The following KLF7 variants were observed in gnomAD, a reference collection of about 807,000 sequenced individuals.
KLF7 encodes Krueppel-like factor 7.
Under a neutral mutation model 27.3 loss-of-function variants are expected in KLF7, and 2 were observed. The ratio of observed to expected loss-of-function variants is 0.07; its 90% confidence interval spans 0.03 to 0.23. KLF7 has a LOEUF of 0.23. KLF7 is among the 10% of genes least tolerant of loss of function. The probability of loss-of-function intolerance (pLI) is 1.00; values close to 1 mark genes in which losing one functional copy is unlikely to be tolerated. For synonymous variants in KLF7, 165 were observed against 162.4 expected, an observed-to-expected ratio of 1.02 and a Z score of -0.12; for missense variants, 221 against 394.1, an observed-to-expected ratio of 0.56 and a Z score of 3.72.
rs547775129 is a variant in KLF7 at position 207,109,471 on chromosome 2, A to C, written c.733+14303T>G. Among the ~76,000 whole-genome samples the C allele has an allele frequency of 2.6e-4, 40 of 152,336 alleles. No homozygotes were observed. In the South Asian group the frequency reaches 8.3e-3, roughly 32 times the overall value. ...ATGGTTCAGCAGTGAAATCTTTGAAAAATGATTCTTTCAGCCTCAGTTCCC... is the reference window on the plus strand; with the variant it reads ...ATGGTTCAGCAGTGAAATCTTTGAACAATGATTCTTTCAGCCTCAGTTCCC... On this transcript the variant is annotated intron_variant, in intron 2 of 3. Coordinates refer to ENST00000309446, the MANE Select transcript of KLF7 (RefSeq NM_003709.4).
rs141868865 is a variant in KLF7 at position 207,148,768 on chromosome 2, C to T, written c.102+16699G>A. Among the ~76,000 whole-genome samples the T allele has an allele frequency of 8.6e-4, 131 of 152,254 alleles. 1 individual carries two copies. The highest frequency in any genetic ancestry group is 3.1e-3 in the African/African-American group (130 of 41,542). ...ATACTTTCTATGTCACCACAGTTCCCACCACTCTCTAGTGCCTTATACTGT... is the reference window on the plus strand; with the variant it reads ...ATACTTTCTATGTCACCACAGTTCCTACCACTCTCTAGTGCCTTATACTGT... On this transcript the variant is annotated intron_variant, in intron 1 of 3. Transcript: ENST00000309446.
intron 2 of KLF7, among the ~76,000 whole-genome samples, chr2:207,109,390 C>G (rs1211577546): frequency 6.6e-6 from 1 of 151,660 alleles, no homozygotes; most frequent in Non-Finnish European, 1.5e-5. Flanking sequence ...TCAACTTAGG[C>G]CCCCAAAAGA....
chr2:207,161,293 T>C (rs1017305692), intron 1 of KLF7, among the ~76,000 whole-genome samples: 5 of 152,328 alleles, frequency 3.3e-5, no homozygotes, highest in African/African-American at 1.2e-4. Context: ...ATCTACCAAG[T>C]TGCTGTTTCA....
intron 2 of KLF7, among the ~76,000 whole-genome samples, chr2:207,111,030 C>A (rs969726393): frequency 6.6e-6 from 1 of 152,082 alleles, no homozygotes; most frequent in African/African-American, 2.4e-5. Flanking sequence ...TTCCCAGATG[C>A]CAGTAGCATA....
At chr2:207,126,169 C>T (rs190177197) in intron 1 of KLF7, among the ~76,000 whole-genome samples, 74 of 152,252 alleles carry the variant, frequency 4.9e-4, no homozygotes, top group African/African-American at 1.8e-3. Context: ...TTTCTGAACT[C>T]CACTTCTCAA....
At position 207,123,618 on chromosome 2, in the gene KLF7, G is replaced by C. The variant is rs2077397570; in HGVS notation, c.733+156C>G. Among the ~76,000 whole-genome samples the C allele has an allele frequency of 3.3e-5, 5 of 152,276 alleles. No homozygotes were observed. In the South Asian group the frequency reaches 1.0e-3, roughly 32 times the overall value. On this transcript the variant is annotated intron_variant, in intron 2 of 3. Transcript: ENST00000309446. The stretch of plus-strand genomic sequence containing the variant: ...ACATCTTGAGATCTTAAGGTAACAA[G>C]TGAGTCATTCTTTGTCCCTACCTGG...
upstream of KLF7, chr2:207,166,817 G>A (rs2078726446): frequency 4.9e-6 from 5 of 1,013,320 alleles, no homozygotes; most frequent in Non-Finnish European, 5.9e-6. Context: ...GGCTGCCAGG[G>A]TGCAGAGAAG....
Position 207,110,549 on chromosome 2 carries a change from C to T in KLF7, c.733+13225G>A, listed in dbSNP as rs112372701. Among the ~76,000 whole-genome samples, 3 of 152,190 alleles carry T rather than the reference C, an allele frequency of 2.0e-5. No homozygotes were observed. In the South Asian group the frequency reaches 6.2e-4, roughly 32 times the overall value. On this transcript the variant is annotated intron_variant, in intron 2 of 3. Transcript: ENST00000309446. ...TCCCTCCCACGTACCAGCCTGGCAG[C>T]TGATGTGATCAGACCTCTGCCTCAG... is the stretch of plus-strand genomic sequence containing the variant.
intron 1 of KLF7, among the ~76,000 whole-genome samples, chr2:207,129,220 T>C (rs2077558309): frequency 6.6e-6 from 1 of 152,184 alleles, no homozygotes; most frequent in African/African-American, 2.4e-5. Context: ...ATTTTCTCTG[T>C]TCAAATGATA....
intron 1 of KLF7, among the ~76,000 whole-genome samples, chr2:207,130,762 G>C (rs186049583): frequency 5.3e-5 from 8 of 152,252 alleles, no homozygotes; most frequent in African/African-American, 1.4e-4. Context: ...AACCATTGGT[G>C]CAATATTTTT....
At chr2:207,103,648 C>CA (rs1444669451) in intron 2 of KLF7, among the ~76,000 whole-genome samples, 1 of 152,212 alleles carries the variant, frequency 6.6e-6, no homozygotes, top group Non-Finnish European at 1.5e-5. Flanking sequence ...CACACACACA[C>CA]AACTCACCAT....
intron 1 of KLF7, among the ~76,000 whole-genome samples, chr2:207,126,919 TAG>T (rs144250939): frequency 0.028 from 4,319 of 152,240 alleles, 193 homozygotes; most frequent in African/African-American, 0.098. Flanking sequence ...TGCCTGTGAA[TAG>T]AGTTTTTGTA....
Position 207,080,829 on chromosome 2 carries a change from G to A in KLF7, c.*384C>T, listed in dbSNP as rs1241131979. ...AGTGAAATAAGCCCCTCGGACTGCC[G>A]TCCACCTGCACAGACGTCACATCCA... On this transcript the variant is annotated 3_prime_UTR_variant, in exon 4 of 4. Coordinates refer to ENST00000309446, the MANE Select transcript of KLF7 (RefSeq NM_003709.4). 8 of 404,786 alleles carry A rather than the reference G, an allele frequency of 2.0e-5. No homozygotes were observed. Among genetic ancestry groups the A allele is most frequent in the Admixed American group, 8.5e-5 (2 of 23,602 alleles). The allele number at this position is 404,786 out of a possible 1,614,324, so 25.1% of individuals were successfully genotyped here. A position where few individuals can be genotyped will look rare whatever the true frequency, so the allele number is the denominator to read the frequency against.
At chr2:207,168,425 CTAAG>C (rs1166324103), upstream of KLF7, among the ~76,000 whole-genome samples, 4 of 152,156 alleles carry the variant, frequency 2.6e-5, no homozygotes, top group South Asian at 2.1e-4. Flanking sequence ...CTTGGAAATA[CTAAG>C]TAAGTTGGTC....
At chr2:207,143,721 G>A (rs566745312) in intron 1 of KLF7, among the ~76,000 whole-genome samples, 1 of 152,316 alleles carries the variant, frequency 6.6e-6, no homozygotes, top group African/African-American at 2.4e-5. Flanking sequence ...CAGATTCAAC[G>A]CAGGCGCCTT....
intron 2 of KLF7, among the ~76,000 whole-genome samples, chr2:207,093,356 A>G (rs967405735): frequency 6.6e-6 from 1 of 152,082 alleles, no homozygotes; most frequent in African/African-American, 2.4e-5. Context: ...TACCTCTCCA[A>G]TATCATCTCC....
At chr2:207,150,456 G>T (rs1280662612) in intron 1 of KLF7, among the ~76,000 whole-genome samples, 2 of 152,032 alleles carry the variant, frequency 1.3e-5, no homozygotes, top group African/African-American at 4.8e-5. Flanking sequence ...TAAAGAGGAA[G>T]AAAGCCAACA....
At chr2:207,106,195 C>A (rs1355881586) in intron 2 of KLF7, among the ~76,000 whole-genome samples, 1 of 152,154 alleles carries the variant, frequency 6.6e-6, no homozygotes, top group East Asian at 1.9e-4. Flanking sequence ...AGAACAATGG[C>A]AGCCATTGTG....
chr2:207,113,615 G>A lies in KLF7; in HGVS notation c.733+10159C>T, dbSNP rs1000800422. On this transcript the variant is annotated intron_variant, in intron 2 of 3. Transcript: ENST00000309446. ...CAAAGTGGAATGGGGGGTGGGGGGG[G>A]GGGGGAAATGATGCAGTTACCTAGC... is the stretch of plus-strand genomic sequence containing the variant. Among the ~76,000 whole-genome samples the A allele has an allele frequency of 1.4e-3, 176 of 129,488 alleles. 2 individuals carry two copies. Among genetic ancestry groups the A allele is most frequent in the Middle Eastern group, 3.8e-3 (1 of 266 alleles). The allele number at this position is 129,488 out of a possible 152,430, so 84.9% of individuals were successfully genotyped here. A position where few individuals can be genotyped will look rare whatever the true frequency, so the allele number is the denominator to read the frequency against.
Sources: gnomAD v4.1 joint callset for allele counts (sites outside exome capture counted in the v4.1 genomes callset) on GRCh38, gnomAD v4.1.1 for gene constraint, MANE v1.5 for transcripts, NCBI Gene and HGNC (gene_info 2026-07-23, HGNC 2026-07-21) for gene names.